PARD6G: variants seen among roughly 807,000 people sequenced by gnomAD.
PARD6G encodes the protein partitioning defective 6 homolog gamma.
Under a neutral mutation model 10.7 loss-of-function variants are expected in PARD6G, and 7 were observed. That is an observed-to-expected ratio of 0.66 (90% CI 0.37 to 1.23). The LOEUF (loss-of-function observed/expected upper bound fraction) is 1.23. PARD6G is among the 50% of genes most tolerant of loss of function. PARD6G has a pLI of 0.02. For missense variants in PARD6G, 548 were observed against 571.8 expected, an observed-to-expected ratio of 0.96 and a Z score of 0.42; for synonymous variants, 287 against 269.4, an observed-to-expected ratio of 1.07 and a Z score of -0.64.
Position 80,231,381 on chromosome 18 carries a change from C to T in PARD6G, c.72+15896G>A, listed in dbSNP as rs1384588255. Among the ~76,000 whole-genome samples the T allele has an allele frequency of 6.6e-6, 1 of 152,160 alleles. No homozygotes were observed. Among genetic ancestry groups the T allele is most frequent in the Non-Finnish European group, 1.5e-5 (1 of 68,032 alleles). Reference sequence around the variant, plus strand: ...CGTGGAAGAAAGTGGGGTCCCATTCCGATGTGAGCTCATGATACATGGAGG... The same window carrying T: ...CGTGGAAGAAAGTGGGGTCCCATTCTGATGTGAGCTCATGATACATGGAGG... On this transcript the variant is annotated intron_variant, in intron 1 of 2. Coordinates refer to ENST00000353265, the MANE Select transcript of PARD6G (RefSeq NM_032510.4). The surrounding 1 kb of genome is among the most constrained non-coding windows in gnomAD (Gnocchi z 4.2).
intron 1 of PARD6G, among the ~76,000 whole-genome samples, chr18:80,214,507 T>C (rs1967142432): frequency 6.6e-6 from 1 of 151,668 alleles, no homozygotes; most frequent in Non-Finnish European, 1.5e-5. Flanking sequence ...AGAATACCAA[T>C]GAAGAGATAA....
chr18:80,160,524 G>A lies in PARD6G; in HGVS notation c.378C>T (p.Pro126=). Residue 126 remains proline, a synonymous_variant, in exon 3 of 3, where the codon CCC becomes CCT. Transcript: ENST00000353265. ...CGATGTCCAGGTGTGCACGCCGCCG[G>A]GGTCCTTCATCACGCAGCGCGCCCA... ...RALGALRDEG[P]RRRAHLDIGL... is the part of the protein sequence containing the mutation. The A allele has an allele frequency of 6.6e-7, 1 of 1,518,614 alleles. No homozygotes were observed. The highest frequency in any genetic ancestry group is 8.8e-7 in the Non-Finnish European group (1 of 1,134,160). 94.1% of individuals were successfully genotyped at this position (1,518,614 alleles called of 1,614,324 possible). A position where few individuals can be genotyped will look rare whatever the true frequency, so the allele number is the denominator to read the frequency against.
At position 80,188,869 on chromosome 18, in the gene PARD6G, C is replaced by T. The variant is rs931648963; in HGVS notation, c.295+13841G>A. Among the ~76,000 whole-genome samples, 8 of 152,170 alleles carry T rather than the reference C, an allele frequency of 5.3e-5. No individual in the cohort carries two copies. The highest frequency in any genetic ancestry group is 1.9e-4 in the East Asian group (1 of 5,182). ...GGGTGCAATCCCTACCGTTTCCCCACGTTCGTGAGGGAGGTGTGGACTTGC... is the reference window on the plus strand; with the variant it reads ...GGGTGCAATCCCTACCGTTTCCCCATGTTCGTGAGGGAGGTGTGGACTTGC... On this transcript the variant is annotated intron_variant, in intron 2 of 2. Transcript: ENST00000353265. This position sits in a 1 kb window ranked among gnomAD's most constrained non-coding sequence, Gnocchi z 5.4.
At chr18:80,167,046 C>T (rs1269051201) in intron 2 of PARD6G, among the ~76,000 whole-genome samples, 1 of 152,156 alleles carries the variant, frequency 6.6e-6, no homozygotes, top group African/African-American at 2.4e-5. Flanking sequence ...GAATAATTAC[C>T]ACTTTTCAGG....
chr18:80,222,094 T>G (rs2145294932), intron 1 of PARD6G, among the ~76,000 whole-genome samples: 1 of 149,364 alleles, frequency 6.7e-6, no homozygotes, highest in Non-Finnish European at 1.5e-5. Context: ...TTCTTTTTTC[T>G]TTTTTTTTTA....
At chr18:80,227,853 A>G (rs541427479) in intron 1 of PARD6G, among the ~76,000 whole-genome samples, 4 of 151,760 alleles carry the variant, frequency 2.6e-5, no homozygotes, top group African/African-American at 9.7e-5. Flanking sequence ...CCAGACCACC[A>G]GGGCTTCAGA....
chr18:80,184,997 C>G lies in PARD6G; in HGVS notation c.295+17713G>C, dbSNP rs1251204030. 6.6e-6 allele frequency: 1 copy of G among 152,166 alleles called. No individual in the cohort carries two copies. Among genetic ancestry groups the G allele is most frequent in the East Asian group, 1.9e-4 (1 of 5,202 alleles). 9.4% of individuals were successfully genotyped at this position (152,166 alleles called of 1,614,324 possible). On this transcript the variant is annotated intron_variant, in intron 2 of 2. Transcript: ENST00000353265. The surrounding 1 kb of genome is among the most constrained non-coding windows in gnomAD (Gnocchi z 4.5). ...GCTTTGCGGGAACCTAACTGCTAGT[C>G]CCATGAACTTACCCTCCTAGGTGTT...
In PARD6G at chr18:80,157,534, T is replaced by C. The variant is rs1475942681; in HGVS notation, c.*2237A>G. 1 of 137,040 alleles carries C rather than the reference T, an allele frequency of 7.3e-6. No homozygotes were observed. The highest frequency in any genetic ancestry group is 2.5e-5 in the African/African-American group (1 of 39,796). 8.5% of individuals were successfully genotyped at this position (137,040 alleles called of 1,614,324 possible). On this transcript the variant is annotated 3_prime_UTR_variant, in exon 3 of 3. Coordinates refer to ENST00000353265, the MANE Select transcript of PARD6G (RefSeq NM_032510.4). ...AGCCGACCCAGTTATATAACAGACA[T>C]TCAAGAATCAGCAATAACTTAGTAA...
rs1197949165 is a variant in PARD6G at position 80,183,711 on chromosome 18, T to C, written c.295+18999A>G. Reference sequence around the variant, plus strand: ...ATGGACTTAGCAAAACCAGTCATAATGATTTTTCTATATCAAAACCAGCCC... The same window carrying C: ...ATGGACTTAGCAAAACCAGTCATAACGATTTTTCTATATCAAAACCAGCCC... On this transcript the variant is annotated intron_variant, in intron 2 of 2. Coordinates refer to ENST00000353265, the MANE Select transcript of PARD6G (RefSeq NM_032510.4). The surrounding 1 kb of genome is among the most constrained non-coding windows in gnomAD (Gnocchi z 4.5). The C allele has an allele frequency of 6.6e-6, 1 of 152,360 alleles. No homozygotes were observed. The highest frequency in any genetic ancestry group is 1.9e-4 in the East Asian group (1 of 5,208). The allele number at this position is 152,360 out of a possible 1,614,324, so 9.4% of individuals were successfully genotyped here. A position where few individuals can be genotyped will look rare whatever the true frequency, so the allele number is the denominator to read the frequency against.
chr18:80,178,089 C>G (rs2052826649), intron 2 of PARD6G: 1 of 167,100 alleles, frequency 6.0e-6, no homozygotes, highest in Admixed American at 6.5e-5. Flanking sequence ...CTTGCAGATA[C>G]AGCTGTGGTT....
intron 1 of PARD6G, among the ~76,000 whole-genome samples, chr18:80,212,990 T>C (rs1203374013): frequency 6.6e-6 from 1 of 152,188 alleles, no homozygotes; most frequent in Admixed American, 6.5e-5. Flanking sequence ...ATTTAGAAGT[T>C]TGGTGATGTT....
intron 2 of PARD6G, among the ~76,000 whole-genome samples, chr18:80,179,634 A>G (rs62101569): frequency 0.17 from 25,428 of 152,222 alleles, 2,801 homozygotes; most frequent in East Asian, 0.44. Flanking sequence ...TGTTAGGAGC[A>G]TGAGTTTCAC....
Position 80,179,619 on chromosome 18 carries a change from C to T in PARD6G, c.296-19013G>A, listed in dbSNP as rs536521704. On this transcript the variant is annotated intron_variant, in intron 2 of 2. Coordinates refer to ENST00000353265, the MANE Select transcript of PARD6G (RefSeq NM_032510.4). ...GCAGAGCCAAGAGGAGAGGTGCAGGCGAGTTGTTAGGAGCATGAGTTTCAC... is the reference window on the plus strand; with the variant it reads ...GCAGAGCCAAGAGGAGAGGTGCAGGTGAGTTGTTAGGAGCATGAGTTTCAC... 4.6e-5 allele frequency among the ~76,000 whole-genome samples: 7 copies of T among 152,284 alleles called. No homozygotes were observed. In the South Asian group the frequency reaches 1.0e-3, roughly 23 times the overall value.
chr18:80,197,857 A>C (rs1966972476), intron 2 of PARD6G, among the ~76,000 whole-genome samples: 1 of 152,310 alleles, frequency 6.6e-6, no homozygotes, highest in South Asian at 2.1e-4. Flanking sequence ...TTAACACTTA[A>C]CACATTCTGT....
chr18:80,246,264 GC>G lies in PARD6G; in HGVS notation c.72+1012del, dbSNP rs1186590508. 6.6e-6 allele frequency among the ~76,000 whole-genome samples: 1 copy of G among 152,186 alleles called. No homozygotes were observed. Among genetic ancestry groups the G allele is most frequent in the Non-Finnish European group, 1.5e-5 (1 of 68,022 alleles). On this transcript the variant is annotated intron_variant, in intron 1 of 2. Coordinates refer to ENST00000353265, the MANE Select transcript of PARD6G (RefSeq NM_032510.4). This position sits in a 1 kb window ranked among gnomAD's most constrained non-coding sequence, Gnocchi z 6.7. ...GAGTAGCCAGCGAAAGACTCGAGGG[GC>G]CCCCTCCCGCAGGACCCCGAACAAC... is the stretch of plus-strand genomic sequence containing the variant.
Position 80,159,614 on chromosome 18 carries a change from A to G in PARD6G, c.*157T>C. 1 of 1,160,690 alleles carries G rather than the reference A, an allele frequency of 8.6e-7. No homozygotes were observed. Among genetic ancestry groups the G allele is most frequent in the Non-Finnish European group, 1.1e-6 (1 of 904,026 alleles). The allele number at this position is 1,160,690 out of a possible 1,614,324, so 71.9% of individuals were successfully genotyped here. ...TTCTGTGGCGAAATTCTATAAAAAT[A>G]GGCAATACTTGTGTTTTTATATCCG... On this transcript the variant is annotated 3_prime_UTR_variant, in exon 3 of 3. Coordinates refer to ENST00000353265, the MANE Select transcript of PARD6G (RefSeq NM_032510.4).
rs1380946513 is a variant in PARD6G at position 80,246,486 on chromosome 18, G to A, written c.72+791C>T. 1.3e-5 allele frequency among the ~76,000 whole-genome samples: 2 copies of A among 152,122 alleles called. No individual in the cohort carries two copies. Among genetic ancestry groups the A allele is most frequent in the African/African-American group, 2.4e-5 (1 of 41,450 alleles). ...AGCGGGAGGGGCCGGGCACGCCCGTGGGGGTGGTCTGGGTACGGGTCTGAT... is the reference window on the plus strand; with the variant it reads ...AGCGGGAGGGGCCGGGCACGCCCGTAGGGGTGGTCTGGGTACGGGTCTGAT... On this transcript the variant is annotated intron_variant, in intron 1 of 2. Coordinates refer to ENST00000353265, the MANE Select transcript of PARD6G (RefSeq NM_032510.4). The surrounding 1 kb of genome is among the most constrained non-coding windows in gnomAD (Gnocchi z 6.7).
At chr18:80,227,685 G>T (rs768563810) in intron 1 of PARD6G, among the ~76,000 whole-genome samples, 3 of 152,216 alleles carry the variant, frequency 2.0e-5, no homozygotes, top group Non-Finnish European at 4.4e-5. Flanking sequence ...CGACTGCAAG[G>T]CAGGCACTGC....
chr18:80,225,149 C>A (rs1328746385), intron 1 of PARD6G, among the ~76,000 whole-genome samples: 1 of 152,224 alleles, frequency 6.6e-6, no homozygotes, highest in Admixed American at 6.5e-5. Flanking sequence ...GGCACCGTTT[C>A]TCAGTCTACG....
Sources: allele counts gnomAD v4.1 joint callset (sites outside exome capture counted in the v4.1 genomes callset), GRCh38; gene constraint gnomAD v4.1.1; non-coding constraint Gnocchi (gnomAD v3.1); transcripts MANE v1.5; gene names NCBI Gene and HGNC (gene_info 2026-07-23, HGNC 2026-07-21).